TMEM117: variants seen among roughly 807,000 people sequenced by gnomAD.
TMEM117 encodes transmembrane protein 117.
TMEM117 carries 27 observed loss-of-function variants against 52.4 expected under a neutral mutation model. The ratio of observed to expected loss-of-function variants is 0.51; its 90% CI spans 0.38 to 0.71. The LOEUF (loss-of-function observed/expected upper bound fraction) is 0.71. Ranked by LOEUF, TMEM117 falls within the 30% of genes least tolerant of loss-of-function variation. The pLI, the probability that TMEM117 is intolerant of heterozygous loss-of-function variation, is 0.00. For missense variants in TMEM117, 556 were observed against 630.5 expected (o/e 0.88, Z 1.26); for synonymous variants, 215 against 206.3 (o/e 1.04, Z -0.36).
At chr12:43,863,941 G>A (rs534943904) in intron 2 of TMEM117, among the ~76,000 whole-genome samples, 67 of 152,222 alleles carry the variant, frequency 4.4e-4, no homozygotes, top group Non-Finnish European at 8.4e-4. Flanking sequence ...CGGCGCTTGC[G>A]GGCCAGCTAG....
In TMEM117 at chr12:43,921,490, T is replaced by C. The variant is rs1460664035; in HGVS notation, c.278-22720T>C. ...TCAAGTAATCTCTCTGAGCTTCTACTCTCTCATCTACAAAATGGGAGCAAT... is the reference window on the plus strand; with the variant it reads ...TCAAGTAATCTCTCTGAGCTTCTACCCTCTCATCTACAAAATGGGAGCAAT... On this transcript the variant is annotated intron_variant, in intron 2 of 7. Coordinates refer to ENST00000266534, the MANE Select transcript of TMEM117 (RefSeq NM_032256.3). Among the ~76,000 whole-genome samples the C allele has an allele frequency of 2.6e-5, 4 of 152,338 alleles. No individual in the cohort carries two copies. In the East Asian group the frequency reaches 7.7e-4, roughly 29 times the overall value.
chr12:44,241,567 A>G (rs1950062492), intron 5 of TMEM117, among the ~76,000 whole-genome samples: 1 of 151,968 alleles, frequency 6.6e-6, no homozygotes. Flanking sequence ...TGTTATTATT[A>G]GAGCGCTCTC....
At chr12:44,020,552 C>A (rs998159973) in intron 3 of TMEM117, among the ~76,000 whole-genome samples, 2 of 152,146 alleles carry the variant, frequency 1.3e-5, no homozygotes, top group African/African-American at 2.4e-5. Flanking sequence ...ATCATTTGTG[C>A]CTTTTAACCC....
At chr12:44,169,348 C>T (rs148258746) in intron 4 of TMEM117, among the ~76,000 whole-genome samples, 18 of 152,340 alleles carry the variant, frequency 1.2e-4, no homozygotes, top group African/African-American at 4.3e-4. Context: ...TTCTCACCAA[C>T]AGTTATTTTC....
At chr12:44,357,315 C>T (rs1050777907) in intron 6 of TMEM117, among the ~76,000 whole-genome samples, 6 of 152,094 alleles carry the variant, frequency 3.9e-5, no homozygotes, top group Non-Finnish European at 8.8e-5. Context: ...ATGTCTGTGT[C>T]CCCACTAAAC....
intron 4 of TMEM117, among the ~76,000 whole-genome samples, chr12:44,178,713 G>T (rs1949149087): frequency 6.8e-6 from 1 of 147,642 alleles, no homozygotes; most frequent in African/African-American, 2.7e-5. Context: ...GATAAATTAT[G>T]CAATTGTCTA....
chr12:43,906,475 A>AAAT (rs1555183101), intron 2 of TMEM117, among the ~76,000 whole-genome samples: 4 of 151,090 alleles, frequency 2.6e-5, no homozygotes, highest in Non-Finnish European at 5.9e-5. Context: ...AAAAAAAAAA[A>AAAT]GAAAGCGGGG....
chr12:43,926,733 A>G (rs1053729172), intron 2 of TMEM117, among the ~76,000 whole-genome samples: 2 of 148,246 alleles, frequency 1.3e-5, no homozygotes, highest in African/African-American at 2.5e-5. Context: ...TTGGCAAATA[A>G]TATCTTTATC....
intron 5 of TMEM117, among the ~76,000 whole-genome samples, chr12:44,225,133 A>G (rs941391001): frequency 6.6e-6 from 1 of 152,186 alleles, no homozygotes; most frequent in African/African-American, 2.4e-5. Flanking sequence ...TAAAGAAAGG[A>G]ACAAAGACTA....
At chr12:43,909,079 T>C (rs1209511062) in intron 2 of TMEM117, among the ~76,000 whole-genome samples, 1 of 62,836 alleles carries the variant, frequency 1.6e-5, no homozygotes, top group African/African-American at 3.2e-5. Context: ...TATTCCAAAA[T>C]TGACCACATA....
intron 3 of TMEM117, among the ~76,000 whole-genome samples, chr12:43,993,850 C>A (rs10748389): frequency 0.87 from 132,862 of 152,036 alleles, 59,372 homozygotes; most frequent in Non-Finnish European, 0.96. Flanking sequence ...ATGTGCCACC[C>A]TACTCACCTA....
chr12:44,368,192 A>G (rs1211566407), intron 6 of TMEM117, among the ~76,000 whole-genome samples: 2 of 152,082 alleles, frequency 1.3e-5, no homozygotes, highest in Admixed American at 6.6e-5. Context: ...TTTCTTTTTA[A>G]TAATTAAAAT....
chr12:44,211,243 T>C, intron 4 of TMEM117, 47 bp from the exon 5 acceptor site: 1 of 1,258,296 alleles, frequency 7.9e-7, no homozygotes, highest in Non-Finnish European at 1.2e-6. Flanking sequence ...TTAAATCTGA[T>C]TTTAAGATTT....
chr12:44,208,158 ACAAT>A, intron 4 of TMEM117, among the ~76,000 whole-genome samples: 1 of 152,254 alleles, frequency 6.6e-6, no homozygotes, highest in Non-Finnish European at 1.5e-5. Context: ...ATTGTTTTTT[ACAAT>A]CATTTACTGA....
chr12:44,256,012 T>A (rs985724778), intron 5 of TMEM117, among the ~76,000 whole-genome samples: 12 of 151,940 alleles, frequency 7.9e-5, no homozygotes, highest in African/African-American at 2.9e-4. Flanking sequence ...CTCAAGCAGA[T>A]TTTATATTAA....
chr12:43,826,598 A>G, the TMEM117 span, among the ~76,000 whole-genome samples: 1 of 152,320 alleles, frequency 6.6e-6, no homozygotes, highest in East Asian at 1.9e-4. Context: ...GCTATTGTAA[A>G]TTGGGTTGCT....
At chr12:44,084,805 A>G (rs1425624311) in intron 3 of TMEM117, among the ~76,000 whole-genome samples, 1 of 152,198 alleles carries the variant, frequency 6.6e-6, no homozygotes, top group Non-Finnish European at 1.5e-5. Context: ...TGCTTCCTAT[A>G]TAAAAAAGCA....
chr12:43,806,171 C>G, the TMEM117 span: 9 of 1,537,116 alleles, frequency 5.9e-6, no homozygotes, highest in African/African-American at 1.2e-4. Context: ...CCCGGCTCTC[C>G]CGGCTCTCCC....
At chr12:44,234,244 A>T (rs1443114600) in intron 5 of TMEM117, among the ~76,000 whole-genome samples, 2 of 151,344 alleles carry the variant, frequency 1.3e-5, no homozygotes, top group African/African-American at 4.8e-5. Context: ...TCTATGAGAA[A>T]TTTTCTTTAT....
Sources: gnomAD v4.1 joint callset for allele counts (sites outside exome capture counted in the v4.1 genomes callset) on GRCh38, gnomAD v4.1.1 for gene constraint, MANE v1.5 for transcripts, NCBI Gene and HGNC (gene_info 2026-07-23, HGNC 2026-07-21) for gene names.